Variants in CPA6 observed in about 807,000 individuals in gnomAD.
CPA6 encodes the protein carboxypeptidase A6.
Under a neutral mutation model 63.3 loss-of-function variants are expected in CPA6, and 58 were observed. The ratio of observed to expected loss-of-function variants is 0.92; its 90% CI spans 0.74 to 1.14. CPA6 has a LOEUF of 1.14. Ranked by LOEUF, CPA6 falls within the 50% of genes most tolerant of loss-of-function variation. CPA6 has a pLI of 0.00. For synonymous variants in CPA6, 185 were observed against 179.0 expected, an observed-to-expected ratio of 1.03 and a Z score of -0.27; for missense variants, 565 against 526.6, an observed-to-expected ratio of 1.07 and a Z score of -0.71.
intron 8 of CPA6, among the ~76,000 whole-genome samples, chr8:67,464,750 C>T (rs1296963267): frequency 2.6e-5 from 4 of 152,220 alleles, no homozygotes; most frequent in African/African-American, 9.6e-5. Flanking sequence ...ATCTCAGCAT[C>T]ATTTATTGAA....
At chr8:67,552,064 G>A (rs1320326803) in intron 2 of CPA6, among the ~76,000 whole-genome samples, 2 of 152,102 alleles carry the variant, frequency 1.3e-5, no homozygotes, top group African/African-American at 4.8e-5. Context: ...ATGTAAACAC[G>A]CTGTTAAAAA....
chr8:67,589,112 T>A (rs1256480420), intron 2 of CPA6, among the ~76,000 whole-genome samples: 1 of 147,834 alleles, frequency 6.8e-6, no homozygotes, highest in African/African-American at 2.6e-5. Flanking sequence ...AGCAAGACTC[T>A]TAAAAAAAAA....
At chr8:67,463,553 T>C (rs998873220) in intron 8 of CPA6, among the ~76,000 whole-genome samples, 3 of 152,324 alleles carry the variant, frequency 2.0e-5, no homozygotes, top group East Asian at 1.9e-4. Flanking sequence ...TTTGGAGATA[T>C]ATGTGCATGT....
Position 67,624,213 on chromosome 8 carries a change from T to C in CPA6, c.155A>G (p.Glu52Gly). The C allele has an allele frequency of 6.5e-7, 1 of 1,546,092 alleles. No individual in the cohort carries two copies. Among genetic ancestry groups the C allele is most frequent in the Non-Finnish European group, 8.9e-7 (1 of 1,120,776 alleles). The stretch of plus-strand genomic sequence containing the variant: ...GGATATTTTCTTCAGTGCATATGCT[T>C]CCTCTTCTGTTTTGGGAATAAATCT... ...VIRFIPKTEE[E>G]AYALKKISYQ... Residue 52 changes from glutamate (E) to glycine (G), a missense_variant, in exon 2 of 11, where the codon GAA becomes GGA. By Grantham distance (98) the Glu-to-Gly change is moderately conservative. Coordinates refer to ENST00000297770, the MANE Select transcript of CPA6 (RefSeq NM_020361.5).
At chr8:67,446,249 A>G (rs1262443174) in intron 8 of CPA6, among the ~76,000 whole-genome samples, 2 of 126,674 alleles carry the variant, frequency 1.6e-5, no homozygotes, top group African/African-American at 6.6e-5. Flanking sequence ...TGGGAGACAG[A>G]GCGAGACTCC....
At position 67,428,101 on chromosome 8, in the gene CPA6, G is replaced by T. The variant is rs569248207; in HGVS notation, c.1072C>A (p.Leu358Ile). 43 of 1,612,988 alleles carry T rather than the reference G, an allele frequency of 2.7e-5. No homozygotes were observed. In the South Asian group the frequency reaches 4.1e-4, roughly 15 times the overall value. The change falls in exon 10 of 11, where the codon CTT (leucine) becomes ATT (isoleucine). Residue 358 changes from leucine (L) to isoleucine (I), a missense_variant. Coordinates refer to ENST00000297770, the MANE Select transcript of CPA6 (RefSeq NM_020361.5). Reference protein sequence around the residue: ...ESAAYKAVNALQSVYGVRYRY... With the variant: ...ESAAYKAVNAIQSVYGVRYRY... ...TATCGTACCCCGTATACTGACTGAA[G>T]TGCATTCACAGCTTTATAAGCTGCA...
chr8:67,506,957 G>A (rs1033264703), intron 5 of CPA6, 69 bp from the exon 6 acceptor site: 1 of 1,113,222 alleles, frequency 9.0e-7, no homozygotes, highest in Non-Finnish European at 1.4e-6. Flanking sequence ...AATTTAATAA[G>A]GTTTCAGCAT....
At chr8:67,461,680 C>T (rs28469485) in intron 8 of CPA6, among the ~76,000 whole-genome samples, 4 of 150,768 alleles carry the variant, frequency 2.7e-5, no homozygotes, top group Non-Finnish European at 5.9e-5. Flanking sequence ...GGCGGCTGGC[C>T]GGGCAGGGGG....
chr8:67,510,351 A>G (rs1001038637), intron 4 of CPA6, among the ~76,000 whole-genome samples: 3 of 152,136 alleles, frequency 2.0e-5, no homozygotes, highest in African/African-American at 7.2e-5. Flanking sequence ...ATATTCAGGA[A>G]AGTACCCATA....
At chr8:67,465,020 G>C (rs1377942668) in intron 8 of CPA6, among the ~76,000 whole-genome samples, 1 of 152,092 alleles carries the variant, frequency 6.6e-6, no homozygotes, top group Non-Finnish European at 1.5e-5. Flanking sequence ...ATGAATTTTA[G>C]AATAGTTTTT....
At chr8:67,672,263 AATATAACTGGAACATTTTATATC>A (rs1395839660) in intron 1 of CPA6, among the ~76,000 whole-genome samples, 1 of 152,224 alleles carries the variant, frequency 6.6e-6, no homozygotes, top group East Asian at 1.9e-4. Context: ...AAGGAGTCTA[AATATAACTGGAACATTTTATATC>A]ATAGTTTTGT....
intron 2 of CPA6, among the ~76,000 whole-genome samples, chr8:67,552,597 C>T (rs1325331686): frequency 1.3e-5 from 2 of 151,792 alleles, no homozygotes; most frequent in Admixed American, 1.3e-4. Context: ...CACAGTGAAA[C>T]CCCGCCTCTA....
intron 2 of CPA6, among the ~76,000 whole-genome samples, chr8:67,520,965 G>T (rs143369253): frequency 1.6e-4 from 24 of 152,330 alleles, no homozygotes; most frequent in African/African-American, 5.3e-4. Context: ...GGTATTTCAA[G>T]GTTCTAATCA....
At chr8:67,630,784 G>T (rs559019427) in intron 1 of CPA6, among the ~76,000 whole-genome samples, 2 of 152,340 alleles carry the variant, frequency 1.3e-5, no homozygotes, top group East Asian at 3.9e-4. Context: ...TGTGAGTTCC[G>T]GGTGGCCGCA....
intron 2 of CPA6, among the ~76,000 whole-genome samples, chr8:67,595,274 G>T (rs999343803): frequency 6.6e-6 from 1 of 152,176 alleles, no homozygotes; most frequent in Non-Finnish European, 1.5e-5. Context: ...GCCGTGTGAG[G>T]TGTCAGTCTG....
intron 2 of CPA6, among the ~76,000 whole-genome samples, chr8:67,594,863 G>A (rs1238226194): frequency 6.6e-6 from 1 of 152,104 alleles, no homozygotes. Flanking sequence ...ATCGTCTGAA[G>A]CCTTCTTCTC....
At chr8:67,721,344 T>G (rs776397271) in intron 1 of CPA6, among the ~76,000 whole-genome samples, 15 of 152,254 alleles carry the variant, frequency 9.9e-5, no homozygotes, top group Non-Finnish European at 1.5e-4. Context: ...CTGTTAGTGG[T>G]AATAGTCTTT....
intron 2 of CPA6, among the ~76,000 whole-genome samples, chr8:67,600,646 A>T (rs190930044): frequency 1.8e-4 from 28 of 152,316 alleles, no homozygotes; most frequent in Admixed American, 1.8e-3. Context: ...ATTTTTAAAA[A>T]GAGCCATTTT....
At chr8:67,514,583 G>A (rs974843342) in intron 3 of CPA6, among the ~76,000 whole-genome samples, 1 of 152,142 alleles carries the variant, frequency 6.6e-6, no homozygotes, top group African/African-American at 2.4e-5. Context: ...CTAAATGACT[G>A]TTCTCCAGTG....
Sources: allele counts gnomAD v4.1 joint callset (sites outside exome capture counted in the v4.1 genomes callset), GRCh38; gene constraint gnomAD v4.1.1; transcripts MANE v1.5; gene names NCBI Gene and HGNC (gene_info 2026-07-23, HGNC 2026-07-21).